SMYD3: variants seen among roughly 807,000 people sequenced by gnomAD.
SMYD3 encodes the protein SET and MYND domain containing 3.
Under a neutral mutation model 57.7 loss-of-function variants are expected in SMYD3, and 36 were observed. The observed-to-expected ratio is 0.62, with a 90% CI of 0.48 to 0.82. The LOEUF is 0.82. Ranked by LOEUF, SMYD3 falls within the 40% of genes least tolerant of loss-of-function variation. SMYD3 has a pLI of 0.00. For missense variants in SMYD3, 515 were observed against 538.8 expected, an observed-to-expected ratio of 0.96 and a Z score of 0.44; for synonymous variants, 211 against 195.0, an observed-to-expected ratio of 1.08 and a Z score of -0.68.
intron 1 of SMYD3, among the ~76,000 whole-genome samples, chr1:246,481,305 T>G (rs2068096386): frequency 6.6e-6 from 1 of 151,198 alleles, no homozygotes; most frequent in Admixed American, 6.6e-5. Flanking sequence ...TCTATGAGGG[T>G]TTTTCTGGAA....
intron 1 of SMYD3, among the ~76,000 whole-genome samples, chr1:246,400,055 CTGT>C (rs2066743042): frequency 6.6e-6 from 1 of 152,028 alleles, no homozygotes; most frequent in Admixed American, 6.6e-5. Flanking sequence ...TCATCTTTCT[CTGT>C]TTTCCCAAAA....
At chr1:245,842,278 T>G (rs2050440313) in intron 10 of SMYD3, among the ~76,000 whole-genome samples, 1 of 152,212 alleles carries the variant, frequency 6.6e-6, no homozygotes, top group Admixed American at 6.5e-5. Flanking sequence ...TACTAAATCG[T>G]CATGGGTAAA....
intron 1 of SMYD3, among the ~76,000 whole-genome samples, chr1:246,423,281 A>G (rs886092327): frequency 1.4e-5 from 2 of 147,828 alleles, no homozygotes; most frequent in Non-Finnish European, 3.0e-5. Context: ...TGGGCAATAG[A>G]GTGAGACTCC....
intron 1 of SMYD3, among the ~76,000 whole-genome samples, chr1:246,362,492 G>C (rs973796711): frequency 6.7e-6 from 1 of 150,082 alleles, no homozygotes; most frequent in African/African-American, 2.5e-5. Flanking sequence ...CTCTTTCCAC[G>C]GTCTCCCTCT....
chr1:246,375,325 CTTTTTTTTTTTTTTTTT>C (rs60882470), intron 1 of SMYD3, among the ~76,000 whole-genome samples: 5 of 62,264 alleles, frequency 8.0e-5, no homozygotes, highest in East Asian at 5.9e-4. Context: ...TAATGAGAGA[CTTTTTTTTTTTTTTTTT>C]TTTTTTTTTT....
chr1:246,439,395 T>C (rs908638338), intron 1 of SMYD3, among the ~76,000 whole-genome samples: 5 of 152,202 alleles, frequency 3.3e-5, no homozygotes, highest in African/African-American at 1.2e-4. Context: ...TCATGTATCT[T>C]CACCTTGGAA....
At chr1:246,078,097 T>C (rs894896666) in intron 5 of SMYD3, among the ~76,000 whole-genome samples, 1 of 152,044 alleles carries the variant, frequency 6.6e-6, no homozygotes, top group African/African-American at 2.4e-5. Context: ...ATAAGTGCTC[T>C]TACTGTAAAA....
chr1:246,284,561 C>T (rs1348829681), intron 5 of SMYD3, among the ~76,000 whole-genome samples: 1 of 151,752 alleles, frequency 6.6e-6, no homozygotes, highest in Non-Finnish European at 1.5e-5. Flanking sequence ...GGACTACAGG[C>T]ACCCGCCACC....
At chr1:246,442,067 A>C (rs985960653) in intron 1 of SMYD3, among the ~76,000 whole-genome samples, 10 of 152,224 alleles carry the variant, frequency 6.6e-5, no homozygotes, top group African/African-American at 2.4e-4. Flanking sequence ...TGAGGAACCC[A>C]ATTTATTCAC....
intron 7 of SMYD3, among the ~76,000 whole-genome samples, chr1:245,916,913 G>A (rs149944136): frequency 3.9e-3 from 587 of 152,140 alleles, no homozygotes; most frequent in South Asian, 0.012. Context: ...GTGCCAGTGC[G>A]CACTGTGGGT....
At chr1:246,295,998 G>T (rs564060204) in intron 5 of SMYD3, among the ~76,000 whole-genome samples, 1 of 152,292 alleles carries the variant, frequency 6.6e-6, no homozygotes, top group South Asian at 2.1e-4. Context: ...GTATGCATGC[G>T]GAGGTAGGTT....
At chr1:246,499,364 T>G (rs1298564173) in intron 1 of SMYD3, among the ~76,000 whole-genome samples, 1 of 151,392 alleles carries the variant, frequency 6.6e-6, no homozygotes, top group Non-Finnish European at 1.5e-5. Context: ...AATTTACATA[T>G]ATGTAACAAT....
At chr1:246,072,339 CGCTGCATCGTG>C (rs1558202375) in intron 5 of SMYD3, among the ~76,000 whole-genome samples, 51 of 86,640 alleles carry the variant, frequency 5.9e-4, no homozygotes, top group Admixed American at 9.0e-4. Flanking sequence ...TGCTCACTGT[CGCTGCATCGTG>C]TTAGTTCTGG....
At chr1:246,176,442 TTA>T (rs1174233618) in intron 5 of SMYD3, among the ~76,000 whole-genome samples, 3 of 152,208 alleles carry the variant, frequency 2.0e-5, no homozygotes, top group Non-Finnish European at 1.5e-5. Flanking sequence ...ATTTGACTCT[TTA>T]AAACATTGGA....
At chr1:246,479,502 A>ATTTTTTTT (rs35818746) in intron 1 of SMYD3, among the ~76,000 whole-genome samples, 8 of 107,634 alleles carry the variant, frequency 7.4e-5, no homozygotes, top group Admixed American at 1.2e-4. Context: ...AAAAAGCGGG[A>ATTTTTTTT]TTTTTTTTTT....
At chr1:246,294,936 A>G (rs1437668417) in intron 5 of SMYD3, among the ~76,000 whole-genome samples, 1 of 152,198 alleles carries the variant, frequency 6.6e-6, no homozygotes, top group Non-Finnish European at 1.5e-5. Context: ...TTCATATATA[A>G]GGTGAGAATA....
intron 5 of SMYD3, among the ~76,000 whole-genome samples, chr1:246,046,278 T>C (rs563297518): frequency 3.3e-5 from 5 of 152,270 alleles, no homozygotes; most frequent in African/African-American, 9.6e-5. Flanking sequence ...ATATACACCA[T>C]GGAATACTAT....
chr1:246,418,005 A>G (rs1027238684), intron 1 of SMYD3, among the ~76,000 whole-genome samples: 1 of 152,170 alleles, frequency 6.6e-6, no homozygotes, highest in African/African-American at 2.4e-5. Flanking sequence ...GATTTCTCTA[A>G]CCATCATAAC....
chr1:246,352,066 G>T (rs2065837311), intron 2 of SMYD3, among the ~76,000 whole-genome samples: 1 of 149,672 alleles, frequency 6.7e-6, no homozygotes, highest in Non-Finnish European at 1.5e-5. Flanking sequence ...GAACCTGGGA[G>T]GTGGAGGTTG....
Sources: gnomAD v4.1 joint callset for allele counts (sites outside exome capture counted in the v4.1 genomes callset) on GRCh38, gnomAD v4.1.1 for gene constraint, MANE v1.5 for transcripts, NCBI Gene and HGNC (gene_info 2026-07-23, HGNC 2026-07-21) for gene names.